USH2A: variants seen among roughly 807,000 people sequenced by gnomAD.
USH2A encodes Usher syndrome 2A (autosomal recessive, mild).
USH2A carries 443 observed loss-of-function variants against 538.9 expected under a neutral mutation model. The observed-to-expected ratio is 0.82, with a 90% CI of 0.76 to 0.89. The LOEUF is 0.89. USH2A is among the 40% of genes least tolerant of loss of function. The pLI, the probability that USH2A is intolerant of heterozygous loss-of-function variation, is 0.00. For synonymous variants in USH2A, 2,413 were observed against 2,273.5 expected (o/e 1.06, Z -1.75); for missense variants, 6,633 against 6,324.8 (o/e 1.05, Z -1.65).
chr1:215,708,447 T>C (rs1036701516), intron 61 of USH2A, among the ~76,000 whole-genome samples: 4 of 152,170 alleles, frequency 2.6e-5, no homozygotes, highest in Non-Finnish European at 4.4e-5. Context: ...GCTAACAATA[T>C]TCATCTATTT....
chr1:215,921,042 T>G (rs956706287), intron 38 of USH2A, among the ~76,000 whole-genome samples: 3 of 152,096 alleles, frequency 2.0e-5, no homozygotes, highest in African/African-American at 4.8e-5. Flanking sequence ...AAGAAAAAGA[T>G]TCTTTCTTTC....
rs187678680 is a variant in USH2A, at chr1:215,932,999, T to C, written c.7300+1617A>G. Among the ~76,000 whole-genome samples the C allele has an allele frequency of 1.4e-3, 216 of 152,110 alleles. 2 individuals are homozygous for C. The highest frequency in any genetic ancestry group is 4.5e-3 in the African/African-American group (189 of 41,548). On this transcript the variant is annotated intron_variant, in intron 38 of 71. Coordinates refer to ENST00000307340, the MANE Select transcript of USH2A (RefSeq NM_206933.4). ...AATAACAAATTATTAGACCATACAT[T>C]CCTAAAAACATAAACAATGAATTAA...
chr1:215,857,909 C>G (rs1194155906), intron 44 of USH2A, among the ~76,000 whole-genome samples: 1 of 152,086 alleles, frequency 6.6e-6, no homozygotes, highest in Non-Finnish European at 1.5e-5. Flanking sequence ...ACTTCCCATC[C>G]CACTGTAGCC....
chr1:215,915,741 T>C (rs938361555), intron 38 of USH2A, among the ~76,000 whole-genome samples: 1 of 151,814 alleles, frequency 6.6e-6, no homozygotes, highest in Non-Finnish European at 1.5e-5. Flanking sequence ...TGCACACATA[T>C]GTTTATTGCG....
intron 3 of USH2A, among the ~76,000 whole-genome samples, chr1:216,398,288 A>G (rs888769428): frequency 1.3e-5 from 2 of 152,160 alleles, no homozygotes; most frequent in African/African-American, 4.8e-5. Context: ...CGAAGTAGGT[A>G]GAAGAAAAAA....
chr1:216,038,718 T>C (rs1481339338), intron 32 of USH2A, among the ~76,000 whole-genome samples: 1 of 152,038 alleles, frequency 6.6e-6, no homozygotes, highest in African/African-American at 2.4e-5. Flanking sequence ...TGTCCACTTT[T>C]CTGTATTAAT....
At chr1:216,391,035 G>C (rs898662614) in intron 3 of USH2A, among the ~76,000 whole-genome samples, 2 of 152,136 alleles carry the variant, frequency 1.3e-5, no homozygotes, top group Admixed American at 6.6e-5. Flanking sequence ...GTAAAAACAG[G>C]ATATGAAATA....
intron 13 of USH2A, among the ~76,000 whole-genome samples, chr1:216,237,320 T>C (rs986181278): frequency 6.6e-6 from 1 of 152,054 alleles, no homozygotes; most frequent in African/African-American, 2.4e-5. Context: ...TGAGGTATGC[T>C]TGAAAGTGGA....
chr1:216,162,387 A>G (rs2034076778), intron 21 of USH2A, among the ~76,000 whole-genome samples: 1 of 151,986 alleles, frequency 6.6e-6, no homozygotes, highest in Non-Finnish European at 1.5e-5. Context: ...TTTTTATCTT[A>G]TCATCCTTTC....
intron 35 of USH2A, among the ~76,000 whole-genome samples, chr1:215,984,108 C>T (rs560485357): frequency 7.9e-5 from 12 of 152,262 alleles, no homozygotes; most frequent in African/African-American, 2.6e-4. Context: ...AGAGAGGAAG[C>T]CCATTGCCAC....
intron 23 of USH2A, among the ~76,000 whole-genome samples, chr1:216,087,071 T>C (rs1446488477): frequency 3.3e-5 from 5 of 152,110 alleles, no homozygotes; most frequent in African/African-American, 4.8e-5. Flanking sequence ...CTAAGTACTC[T>C]AGAGGGATGA....
intron 38 of USH2A, among the ~76,000 whole-genome samples, chr1:215,918,042 C>A (rs781032460): frequency 6.6e-6 from 1 of 151,764 alleles, no homozygotes; most frequent in Non-Finnish European, 1.5e-5. Flanking sequence ...CTCTATGGTG[C>A]CATTGAATCC....
At chr1:216,151,956 T>C (rs1452869570) in intron 21 of USH2A, among the ~76,000 whole-genome samples, 1 of 152,088 alleles carries the variant, frequency 6.6e-6, no homozygotes, top group Admixed American at 6.5e-5. Context: ...TCCAAAACCA[T>C]ATCCAGGCCA....
At chr1:215,984,458 T>C (rs1258900642) in intron 35 of USH2A, among the ~76,000 whole-genome samples, 1 of 152,234 alleles carries the variant, frequency 6.6e-6, no homozygotes, top group Admixed American at 6.5e-5. Flanking sequence ...GTTTCAAGTT[T>C]ATCACCTTTC....
At chr1:215,930,456 T>C (rs1259990772) in intron 38 of USH2A, among the ~76,000 whole-genome samples, 2 of 152,026 alleles carry the variant, frequency 1.3e-5, no homozygotes, top group Admixed American at 6.6e-5. Context: ...AAAATTTATA[T>C]ACTCTATAAT....
intron 35 of USH2A, among the ~76,000 whole-genome samples, chr1:215,972,513 C>A (rs551894444): frequency 6.6e-6 from 1 of 152,264 alleles, no homozygotes. Context: ...CTTTACAACA[C>A]CTTGAGAACA....
intron 60 of USH2A, among the ~76,000 whole-genome samples, chr1:215,729,807 T>G (rs963946899): frequency 1.3e-5 from 2 of 152,080 alleles, no homozygotes; most frequent in Admixed American, 1.3e-4. Flanking sequence ...ACTTTTAAAA[T>G]TTTTTTGTAG....
chr1:215,640,603 T>G lies in USH2A; in HGVS notation c.14923A>C (p.Ser4975Arg), dbSNP rs147514366. The change falls in exon 68 of 72, where the codon AGC becomes CGC. Residue 4975 changes from serine to arginine, a missense_variant. Physicochemically the swap from Ser to Arg is moderately radical, Grantham distance 110 (BLOSUM62 -1). Coordinates refer to ENST00000307340, the MANE Select transcript of USH2A (RefSeq NM_206933.4). Reference protein sequence around the residue: ...VLTDGGRRVYSGLDTTLYIPR... With the variant: ...VLTDGGRRVYRGLDTTLYIPR... ...ATGTAGAGGGTGGTGTCCAAGCCGC[T>G]GTACACGCGTCGCCCTCCGTCGGTT... is the stretch of plus-strand genomic sequence containing the variant. 25 of 1,613,738 alleles carry G rather than the reference T, an allele frequency of 1.5e-5. No individual in the cohort carries two copies. The highest frequency in any genetic ancestry group is 2.0e-5 in the Non-Finnish European group (24 of 1,179,976).
intron 16 of USH2A, among the ~76,000 whole-genome samples, chr1:216,205,336 T>C (rs1166659741): frequency 6.6e-6 from 1 of 152,124 alleles, no homozygotes; most frequent in African/African-American, 2.4e-5. Context: ...TAGTAGCAGG[T>C]TTTCAGGATA....
Sources: gnomAD v4.1 joint callset for allele counts (sites outside exome capture counted in the v4.1 genomes callset) on GRCh38, gnomAD v4.1.1 for gene constraint, MANE v1.5 for transcripts, NCBI Gene and HGNC (gene_info 2026-07-23, HGNC 2026-07-21) for gene names.